RXRA: variants seen among roughly 807,000 people sequenced by gnomAD.
RXRA encodes the protein retinoic acid receptor RXR-alpha.
Under a neutral mutation model 44.5 loss-of-function variants are expected in RXRA, and 5 were observed. The ratio of observed to expected loss-of-function variants is 0.11; its 90% CI spans 0.06 to 0.24. The LOEUF is 0.24. Among genes scored for constraint, RXRA ranks in the 10% least tolerant of loss-of-function variants. RXRA has a pLI of 1.00. For missense variants in RXRA, 412 were observed against 646.5 expected (o/e 0.64, Z 3.93); for synonymous variants, 291 against 271.4 (o/e 1.07, Z -0.71).
At chr9:134,403,228 G>A (rs533723224) in intron 2 of RXRA, 1 of 152,476 alleles carries the variant, frequency 6.6e-6, no homozygotes, top group South Asian at 2.1e-4. Context: ...CTTTTCCCTG[G>A]AGAATCTTGC....
At chr9:134,338,096 G>A (rs943154272) in intron 1 of RXRA, among the ~76,000 whole-genome samples, 1 of 152,204 alleles carries the variant, frequency 6.6e-6, no homozygotes, top group Non-Finnish European at 1.5e-5. Context: ...TAGGGCTCAG[G>A]AAGGGCATGG....
chr9:134,430,108 G>T (rs950881201), intron 7 of RXRA, among the ~76,000 whole-genome samples: 8 of 152,122 alleles, frequency 5.3e-5, no homozygotes, highest in South Asian at 4.1e-4. Flanking sequence ...GGATGGTCTC[G>T]ATCTCCTGAC....
intron 1 of RXRA, among the ~76,000 whole-genome samples, chr9:134,374,352 C>T (rs990720477): frequency 1.3e-5 from 2 of 152,264 alleles, no homozygotes; most frequent in African/African-American, 2.4e-5. Context: ...GTCACTGCCA[C>T]TTCCGCAGTG....
At chr9:134,339,385 T>C (rs1564260187) in intron 1 of RXRA, among the ~76,000 whole-genome samples, 2 of 152,062 alleles carry the variant, frequency 1.3e-5, no homozygotes, top group South Asian at 2.1e-4. Flanking sequence ...CGCGTGAGCC[T>C]CTGTCTGCGT....
At chr9:134,423,499 C>A in intron 6 of RXRA, 1 of 985,462 alleles carries the variant, frequency 1.0e-6, no homozygotes, top group Non-Finnish European at 1.2e-6. Flanking sequence ...AGGGCTGTGA[C>A]CACACAGGCT....
In RXRA at chr9:134,394,903, G is replaced by A. The variant is rs533765918; in HGVS notation, c.29-6729G>A. On this transcript the variant is annotated intron_variant, in intron 1 of 9. Coordinates refer to ENST00000481739, the MANE Select transcript of RXRA (RefSeq NM_002957.6). Reference sequence around the variant, plus strand: ...GGCCAGTGTTTGGCTCCTCCTGGGTGAGCGGATAGGGAGTCAAGACCCTGC... The same window carrying A: ...GGCCAGTGTTTGGCTCCTCCTGGGTAAGCGGATAGGGAGTCAAGACCCTGC... Among the ~76,000 whole-genome samples, 46 of 152,078 alleles carry A rather than the reference G, an allele frequency of 3.0e-4. 1 individual carries two copies. In the South Asian group the frequency reaches 8.7e-3, roughly 29 times the overall value.
chr9:134,327,210 C>T (rs1834930154), intron 1 of RXRA, among the ~76,000 whole-genome samples: 1 of 152,096 alleles, frequency 6.6e-6, no homozygotes, highest in Non-Finnish European at 1.5e-5. Flanking sequence ...CAGGGTCCCC[C>T]GGGGCTGTAT....
intron 6 of RXRA, among the ~76,000 whole-genome samples, chr9:134,427,676 C>T (rs1831457378): frequency 6.6e-6 from 1 of 152,170 alleles, no homozygotes; most frequent in Admixed American, 6.5e-5. Flanking sequence ...CCCCGGGTTC[C>T]CCATGACAGG....
intron 7 of RXRA, among the ~76,000 whole-genome samples, chr9:134,430,042 C>G: frequency 6.6e-6 from 1 of 152,346 alleles, no homozygotes; most frequent in South Asian, 2.1e-4. Context: ...CCCGCCACCA[C>G]GCCCGGCTAT....
At position 134,429,230 on chromosome 9, in the gene RXRA, A is replaced by C; in HGVS notation, c.1033A>C (p.Ile345Leu). The change falls in exon 7 of 10, where the codon ATC becomes CTC. Residue 345 changes from isoleucine (I) to leucine (L), a missense_variant. By Grantham distance (5) the Ile-to-Leu change is conservative (BLOSUM62 2). Coordinates refer to ENST00000481739, the MANE Select transcript of RXRA (RefSeq NM_002957.6). ...CGCCCACAGCGCAGGGGTGGGCGCC[A>C]TCTTTGACAGGTGGGGGTGGTCCCG... ...NSAHSAGVGA[I>L]FDRVLTELVS... The C allele has an allele frequency of 6.2e-7, 1 of 1,612,006 alleles. No homozygotes were observed. Among genetic ancestry groups the C allele is most frequent in the African/African-American group, 1.3e-5 (1 of 75,040 alleles).
chr9:134,339,239 C>T (rs1830052094), intron 1 of RXRA, among the ~76,000 whole-genome samples: 1 of 152,254 alleles, frequency 6.6e-6, no homozygotes, highest in Non-Finnish European at 1.5e-5. Context: ...TGGCATGGCG[C>T]CTCCCGCGCT....
At chr9:134,392,534 G>A (rs1052985997) in intron 1 of RXRA, among the ~76,000 whole-genome samples, 4 of 152,194 alleles carry the variant, frequency 2.6e-5, no homozygotes, top group African/African-American at 9.6e-5. Context: ...CCCCAGAGCT[G>A]CGCGATTTCC....
At position 134,421,907 on chromosome 9, in the gene RXRA, C is replaced by G. The variant is rs752217246; in HGVS notation, c.910+102C>G. On this transcript the variant is annotated intron_variant, in intron 6 of 9. Transcript: ENST00000481739. ...ATACTCCGCACTCCCGGGACACTCC[C>G]CTGTCCTGGGACACTCCCCCCTCCC... The G allele has an allele frequency of 4.6e-6, 7 of 1,537,928 alleles. No individual in the cohort carries two copies. The Admixed American group carries it at 1.2e-4, about 26-fold the overall frequency.
chr9:134,327,980 A>G (rs1554746228), intron 1 of RXRA, among the ~76,000 whole-genome samples: 1 of 152,048 alleles, frequency 6.6e-6, no homozygotes, highest in East Asian at 1.9e-4. Context: ...AGATGAGAAA[A>G]CTGGCTGGGA....
At chr9:134,384,152 G>C (rs533362528) in intron 1 of RXRA, among the ~76,000 whole-genome samples, 1 of 151,918 alleles carries the variant, frequency 6.6e-6, no homozygotes, top group African/African-American at 2.4e-5. Flanking sequence ...TGTCACCCCC[G>C]GGGGGAGTCC....
chr9:134,398,356 G>T (rs974338145), intron 1 of RXRA, among the ~76,000 whole-genome samples: 2 of 87,578 alleles, frequency 2.3e-5, no homozygotes, highest in Middle Eastern at 4.0e-3. Context: ...AAATGACCTG[G>T]AAGAGACAGA....
intron 1 of RXRA, among the ~76,000 whole-genome samples, chr9:134,400,450 A>G (rs1412670356): frequency 6.6e-6 from 1 of 152,224 alleles, no homozygotes; most frequent in Non-Finnish European, 1.5e-5. Flanking sequence ...CCTGAGAGCC[A>G]TTCTGCAGAT....
In RXRA at chr9:134,345,857, T is replaced by C. The variant is rs528005748; in HGVS notation, c.28+19198T>C. On this transcript the variant is annotated intron_variant, in intron 1 of 9. Coordinates refer to ENST00000481739, the MANE Select transcript of RXRA (RefSeq NM_002957.6). ...AACACGTGTCAGTTCCCGGCACAGATGAACATGGAATGGGTACCCCCGGGT... is the reference window on the plus strand; with the variant it reads ...AACACGTGTCAGTTCCCGGCACAGACGAACATGGAATGGGTACCCCCGGGT... Among the ~76,000 whole-genome samples, 5 of 152,294 alleles carry C rather than the reference T, an allele frequency of 3.3e-5. No individual in the cohort carries two copies. In the South Asian group the frequency reaches 8.3e-4, roughly 25 times the overall value.
At chr9:134,344,719 G>C (rs1554748527) in intron 1 of RXRA, among the ~76,000 whole-genome samples, 3 of 152,142 alleles carry the variant, frequency 2.0e-5, no homozygotes, top group African/African-American at 7.2e-5. Context: ...TCATCCTCAG[G>C]AGCCAGGCAG....
Sources: gnomAD v4.1 joint callset for allele counts (sites outside exome capture counted in the v4.1 genomes callset) on GRCh38, gnomAD v4.1.1 for gene constraint, MANE v1.5 for transcripts, NCBI Gene and HGNC (gene_info 2026-07-23, HGNC 2026-07-21) for gene names.